Variants in GLDC observed in about 807,000 individuals in gnomAD.
GLDC encodes glycine decarboxylase.
GLDC carries 104 observed loss-of-function variants against 121.3 expected under a neutral mutation model. The ratio of observed to expected loss-of-function variants is 0.86; its 90% CI spans 0.73 to 1.01. The LOEUF is 1.01. GLDC is among the 50% of genes least tolerant of loss of function. The probability of loss-of-function intolerance (pLI) is 0.00; values close to 1 mark genes in which losing one functional copy is unlikely to be tolerated. For missense variants in GLDC, 1,429 were observed against 1,306.6 expected, an observed-to-expected ratio of 1.09 and a Z score of -1.44; for synonymous variants, 546 against 480.6, an observed-to-expected ratio of 1.14 and a Z score of -1.78.
intron 16 of GLDC, among the ~76,000 whole-genome samples, chr9:6,563,140 G>A (rs1051821928): frequency 6.6e-6 from 1 of 152,236 alleles, no homozygotes; most frequent in African/African-American, 2.4e-5. Context: ...GAACCAGAAA[G>A]AATCCACAAG....
At chr9:6,596,838 T>C (rs1818502048) in intron 8 of GLDC, among the ~76,000 whole-genome samples, 1 of 152,192 alleles carries the variant, frequency 6.6e-6, no homozygotes, top group Non-Finnish European at 1.5e-5. Context: ...TGGAAGTTCC[T>C]CAAAATGTTA....
intron 5 of GLDC, among the ~76,000 whole-genome samples, chr9:6,605,533 C>T (rs529620369): frequency 2.0e-4 from 31 of 152,300 alleles, no homozygotes; most frequent in Admixed American, 1.3e-3. Flanking sequence ...ACAATCTACT[C>T]CTCAGAGAGG....
chr9:6,619,404 G>A (rs1020556779), intron 3 of GLDC, among the ~76,000 whole-genome samples: 1 of 151,934 alleles, frequency 6.6e-6, no homozygotes, highest in Non-Finnish European at 1.5e-5. Flanking sequence ...GGGAGGGGAA[G>A]GGAACACAAT....
chr9:6,629,978 C>G (rs1819342345), intron 2 of GLDC, among the ~76,000 whole-genome samples: 1 of 55,750 alleles, frequency 1.8e-5, no homozygotes, highest in Non-Finnish European at 3.1e-5. Flanking sequence ...TTAAGAGAGA[C>G]AAGGTCTCAC....
intron 11 of GLDC, 165 bp downstream of exon 11, chr9:6,591,978 C>A: frequency 1.5e-6 from 1 of 665,304 alleles, no homozygotes. Flanking sequence ...GCAGTGACCT[C>A]CAGCTGTCAG....
chr9:6,570,913 A>G (rs1817952286), intron 15 of GLDC, among the ~76,000 whole-genome samples: 1 of 151,896 alleles, frequency 6.6e-6, no homozygotes, highest in Non-Finnish European at 1.5e-5. Flanking sequence ...ATTTTATTAC[A>G]TTTAAAATGA....
rs1817219702 is a variant in GLDC, at chr9:6,539,925, A to G, written c.2665+126T>C. The G allele has an allele frequency of 4.0e-6, 3 of 754,648 alleles. No homozygotes were observed. In the East Asian group the frequency reaches 7.5e-5, roughly 19 times the overall value. 46.7% of individuals were successfully genotyped at this position (754,648 alleles called of 1,614,324 possible). ...TTTCTCTATTATTTTGGAGGTTGCC[A>G]AGAACCCTGAGCTCCCCATTTATCC... On this transcript the variant is annotated intron_variant, in intron 22 of 24. Transcript: ENST00000321612.
chr9:6,587,485 T>A (rs1426224637), intron 14 of GLDC, among the ~76,000 whole-genome samples: 1 of 152,184 alleles, frequency 6.6e-6, no homozygotes, highest in Non-Finnish European at 1.5e-5. Flanking sequence ...TGGGACATAG[T>A]TGTCCAAAAA....
At chr9:6,622,404 A>C (rs1239525711) in intron 2 of GLDC, among the ~76,000 whole-genome samples, 3 of 148,704 alleles carry the variant, frequency 2.0e-5, no homozygotes, top group Non-Finnish European at 3.0e-5. Flanking sequence ...GCCACGCCTG[A>C]CTGGTTTTCG....
chr9:6,588,984 T>A (rs993964374), intron 12 of GLDC, among the ~76,000 whole-genome samples: 1 of 152,174 alleles, frequency 6.6e-6, no homozygotes. Flanking sequence ...TCATCCCTGC[T>A]TCCTGACTGC....
chr9:6,582,212 C>T (rs1319901332), intron 15 of GLDC, among the ~76,000 whole-genome samples: 1 of 51,324 alleles, frequency 1.9e-5, no homozygotes, highest in African/African-American at 8.3e-5. Context: ...AAGACTTCGT[C>T]TCAAAAAAAA....
At chr9:6,584,558 T>G (rs1818230391) in intron 15 of GLDC, among the ~76,000 whole-genome samples, 1 of 152,234 alleles carries the variant, frequency 6.6e-6, no homozygotes, top group Non-Finnish European at 1.5e-5. Context: ...AAAAAATCAC[T>G]TATATATGGA....
Position 6,645,589 on chromosome 9 carries a change from C to T in GLDC, c.-90G>A. On this transcript the variant is annotated 5_prime_UTR_variant, in exon 1 of 25. Coordinates refer to ENST00000321612, the MANE Select transcript of GLDC (RefSeq NM_000170.3). ...GCCTCGGTCCCCCGGGTGGCGGCTG[C>T]GCCCGGCCTGGAGCCCCTTTCGCTG... 3.0e-6 allele frequency: 3 copies of T among 995,200 alleles called. No homozygotes were observed. Among genetic ancestry groups the T allele is most frequent in the Non-Finnish European group, 3.9e-6 (3 of 775,196 alleles). The allele number at this position is 995,200 out of a possible 1,614,324, so 61.6% of individuals were successfully genotyped here.
rs190998558 is a variant in GLDC at position 6,550,574 on chromosome 9, A to C, written c.2569+229T>G. On this transcript the variant is annotated intron_variant, in intron 21 of 24. Coordinates refer to ENST00000321612, the MANE Select transcript of GLDC (RefSeq NM_000170.3). ...CCCGGGAGGCAGAAATTGCAGTGAGACAAGATCCTGCCACTGGACTCCAGC... is the reference window on the plus strand; with the variant it reads ...CCCGGGAGGCAGAAATTGCAGTGAGCCAAGATCCTGCCACTGGACTCCAGC... Among the ~76,000 whole-genome samples, 1,703 of 152,258 alleles carry C rather than the reference A, an allele frequency of 0.011. 40 individuals carry two copies. Among genetic ancestry groups the C allele is most frequent in the African/African-American group, 0.039 (1,629 of 41,548 alleles).
At chr9:6,571,863 C>A (rs1337358811) in intron 15 of GLDC, among the ~76,000 whole-genome samples, 1 of 152,114 alleles carries the variant, frequency 6.6e-6, no homozygotes, top group African/African-American at 2.4e-5. Flanking sequence ...ACACATAGAT[C>A]AATGGAATAG....
rs566453582 is a variant in GLDC, at chr9:6,558,578, G to A, written c.2033C>T (p.Ala678Val). The A allele has an allele frequency of 6.2e-7, 1 of 1,614,148 alleles. No individual in the cohort carries two copies. The highest frequency in any genetic ancestry group is 1.1e-5 in the South Asian group (1 of 91,080). The change falls in exon 17 of 25, where the codon GCA becomes GTA. Residue 678 changes from alanine (A) to valine (V), a missense_variant. Transcript: ENST00000321612. ...VEVDKYGNID[A>V]VHLKAMVDKH... ...AAGTACCATGGCCTTGAGGTGAACTGCATCGATATTCCCATATTTATCCAC... is the reference window on the plus strand; with the variant it reads ...AAGTACCATGGCCTTGAGGTGAACTACATCGATATTCCCATATTTATCCAC...
Position 6,620,144 on chromosome 9 carries a change from A to G in GLDC, c.470+40T>C, listed in dbSNP as rs568878503. ...GATGGAGGATGGAGAGAATTATGCA[A>G]ATCACAGTCATCCTGTTCCTGAACT... On this transcript the variant is annotated intron_variant, in intron 3 of 24. Transcript: ENST00000321612. 72 of 1,601,846 alleles carry G rather than the reference A, an allele frequency of 4.5e-5. No homozygotes were observed. In the South Asian group the frequency reaches 7.4e-4, roughly 16 times the overall value.
At position 6,545,492 on chromosome 9, in the gene GLDC, G is replaced by A. The variant is rs542119371; in HGVS notation, c.2569+5311C>T. On this transcript the variant is annotated intron_variant, in intron 21 of 24. Coordinates refer to ENST00000321612, the MANE Select transcript of GLDC (RefSeq NM_000170.3). ...AGCTTGCAGGGCTGAAGTTGCTCTG[G>A]ATGAGTCAGTGAGTGAGTGGTGAGT... is the stretch of plus-strand genomic sequence containing the variant. Among the ~76,000 whole-genome samples, 5 of 152,240 alleles carry A rather than the reference G, an allele frequency of 3.3e-5. No homozygotes were observed. The South Asian group carries it at 1.0e-3, about 32-fold the overall frequency.
At position 6,592,893 on chromosome 9, in the gene GLDC, G is replaced by A. The variant is rs766839627; in HGVS notation, c.1359C>T (p.Ala453=). The A allele has an allele frequency of 1.5e-5, 24 of 1,613,838 alleles. 1 individual carries two copies. Among genetic ancestry groups the A allele is most frequent in the South Asian group, 7.7e-5 (7 of 91,070 alleles). Residue 453 remains alanine (A), a synonymous_variant, in exon 10 of 25, where the codon GCC becomes GCT. Transcript: ENST00000321612. The stretch of plus-strand genomic sequence containing the variant: ...GCCGAAAATTGATCTGCCGCTGAGC[G>A]GCCCTGCCCAAGACCTCCTTCACTG... The part of the protein sequence containing the change: ...GCSVKEVLGR[A]AQRQINFRLF...
Sources: allele counts gnomAD v4.1 joint callset (sites outside exome capture counted in the v4.1 genomes callset), GRCh38; gene constraint gnomAD v4.1.1; transcripts MANE v1.5; gene names NCBI Gene and HGNC (gene_info 2026-07-23, HGNC 2026-07-21).